The following LRP1B variants were observed in gnomAD, a reference collection of about 807,000 sequenced individuals.
LRP1B encodes the protein low-density lipoprotein receptor-related protein 1B.
Under a neutral mutation model 556.6 loss-of-function variants are expected in LRP1B, and 217 were observed. The observed-to-expected ratio is 0.39, with a 90% CI of 0.35 to 0.44. The LOEUF is 0.44. Among genes scored for constraint, LRP1B ranks in the 20% least tolerant of loss-of-function variants. LRP1B has a pLI of 1.00. For missense variants in LRP1B, 5,053 were observed against 5,620.8 expected, an observed-to-expected ratio of 0.90 and a Z score of 3.23; for synonymous variants, 2,047 against 1,865.8, an observed-to-expected ratio of 1.10 and a Z score of -2.50.
intron 10 of LRP1B, among the ~76,000 whole-genome samples, chr2:141,050,961 G>A (rs1387277867): frequency 1.3e-5 from 2 of 151,940 alleles, no homozygotes; most frequent in Non-Finnish European, 2.9e-5. Context: ...ATCAAAAAGT[G>A]GGCAAAGGAT....
chr2:141,761,931 A>G (rs1694566843), intron 2 of LRP1B, among the ~76,000 whole-genome samples: 2 of 152,162 alleles, frequency 1.3e-5, no homozygotes, highest in Admixed American at 6.5e-5. Context: ...GTGCTCCAGG[A>G]TTCCATGGTA....
chr2:141,076,931 G>A (rs1699802048), intron 7 of LRP1B, among the ~76,000 whole-genome samples: 1 of 152,154 alleles, frequency 6.6e-6, no homozygotes, highest in Non-Finnish European at 1.5e-5. Context: ...GCTCTTGTTA[G>A]TCTCATAATC....
intron 3 of LRP1B, among the ~76,000 whole-genome samples, chr2:141,341,724 C>A (rs935572362): frequency 6.6e-6 from 1 of 152,134 alleles, no homozygotes; most frequent in African/African-American, 2.4e-5. Context: ...GCCACAAAAA[C>A]CATTCATGAG....
intron 1 of LRP1B, among the ~76,000 whole-genome samples, chr2:142,017,277 C>T (rs2105168717): frequency 6.6e-6 from 1 of 152,176 alleles, no homozygotes; most frequent in South Asian, 2.1e-4. Context: ...AAGGTATTTT[C>T]CCTTTACTTT....
chr2:140,541,996 T>A, intron 43 of LRP1B, 25 bp from the exon 44 acceptor site: 1 of 1,539,926 alleles, frequency 6.5e-7, no homozygotes, highest in Non-Finnish European at 8.9e-7. Flanking sequence ...AATACTGTAT[T>A]TTTATGATGA....
Position 142,058,718 on chromosome 2 carries a change from C to T in LRP1B, c.82+71930G>A, listed in dbSNP as rs542500510. ...TCCAATGCTTGGCACATGCTTTGCA[C>T]GTACTTGGTGTTCAGCACATTTTTA... On this transcript the variant is annotated intron_variant, in intron 1 of 90. Coordinates refer to ENST00000389484, the MANE Select transcript of LRP1B (RefSeq NM_018557.3). Among the ~76,000 whole-genome samples the T allele has an allele frequency of 5.9e-5, 9 of 152,184 alleles. No individual in the cohort carries two copies. In the East Asian group the frequency reaches 7.8e-4, roughly 13 times the overall value.
rs2105324340 is a variant in LRP1B at position 140,457,622 on chromosome 2, C to A, written c.9655G>T (p.Ala3219Ser). ...ATGTAGTCTTCAAACAATGTTAGTGCAATCACCCCTGGAATATCTTGATTA... is the reference window on the plus strand; with the variant it reads ...ATGTAGTCTTCAAACAATGTTAGTGAAATCACCCCTGGAATATCTTGATTA... ...VPNQDIPGVI[A>S]LTLFEDYIYW... The change falls in exon 61 of 91, where the codon GCA (alanine) becomes TCA (serine). Residue 3219 changes from alanine (A) to serine (S), a missense_variant. Coordinates refer to ENST00000389484, the MANE Select transcript of LRP1B (RefSeq NM_018557.3). 1 of 1,613,572 alleles carries A rather than the reference C, an allele frequency of 6.2e-7. No individual in the cohort carries two copies. The highest frequency in any genetic ancestry group is 8.5e-7 in the Non-Finnish European group (1 of 1,179,588).
chr2:141,755,116 G>A (rs1314104097), intron 2 of LRP1B, among the ~76,000 whole-genome samples: 1 of 151,982 alleles, frequency 6.6e-6, no homozygotes, highest in African/African-American at 2.4e-5. Context: ...TCTCATTTCT[G>A]AAAGGAAACT....
chr2:141,693,490 A>G (rs1691622080), intron 2 of LRP1B, among the ~76,000 whole-genome samples: 1 of 152,018 alleles, frequency 6.6e-6, no homozygotes, highest in African/African-American at 2.4e-5. Flanking sequence ...ATAAATATAT[A>G]ATGTATTTAT....
intron 1 of LRP1B, among the ~76,000 whole-genome samples, chr2:142,110,204 G>A (rs1706922714): frequency 6.6e-6 from 1 of 151,974 alleles, no homozygotes; most frequent in Non-Finnish European, 1.5e-5. Context: ...GAAGTAAAGT[G>A]GTACTTATGG....
At chr2:140,931,590 G>A (rs1270151528) in intron 20 of LRP1B, among the ~76,000 whole-genome samples, 2 of 152,130 alleles carry the variant, frequency 1.3e-5, no homozygotes, top group African/African-American at 4.8e-5. Context: ...CTAGGCAGAA[G>A]TTAAATTATC....
chr2:141,882,216 G>T (rs1430232775), intron 1 of LRP1B, among the ~76,000 whole-genome samples: 4 of 152,148 alleles, frequency 2.6e-5, no homozygotes, highest in African/African-American at 9.7e-5. Flanking sequence ...CACCCCCAAA[G>T]CCCACGGGTT....
At chr2:140,574,281 A>G (rs921323044) in intron 43 of LRP1B, among the ~76,000 whole-genome samples, 21 of 152,160 alleles carry the variant, frequency 1.4e-4, no homozygotes, top group African/African-American at 5.1e-4. Context: ...AGTAAAGATA[A>G]ATGCTTGAAG....
intron 11 of LRP1B, among the ~76,000 whole-genome samples, chr2:141,047,971 A>C (rs906775876): frequency 3.3e-5 from 5 of 152,082 alleles, no homozygotes; most frequent in African/African-American, 1.2e-4. Flanking sequence ...ATTCTCTATT[A>C]ATCATATATT....
At chr2:140,262,492 T>G (rs141940136) in intron 86 of LRP1B, among the ~76,000 whole-genome samples, 3 of 152,276 alleles carry the variant, frequency 2.0e-5, no homozygotes, top group Non-Finnish European at 4.4e-5. Flanking sequence ...TGTATGTGAA[T>G]CCAGGGAAGT....
intron 43 of LRP1B, among the ~76,000 whole-genome samples, chr2:140,552,273 T>G (rs1680572486): frequency 6.6e-6 from 1 of 152,254 alleles, no homozygotes; most frequent in African/African-American, 2.4e-5. Context: ...AAAATGTTGA[T>G]ACTTGACATA....
chr2:140,500,491 A>T (rs1247482254), intron 55 of LRP1B, among the ~76,000 whole-genome samples: 1 of 151,968 alleles, frequency 6.6e-6, no homozygotes, highest in Non-Finnish European at 1.5e-5. Flanking sequence ...TCATTTAGCC[A>T]CTGCAGAAAC....
chr2:141,541,581 T>A (rs1685261995), intron 2 of LRP1B, among the ~76,000 whole-genome samples: 3 of 152,046 alleles, frequency 2.0e-5, no homozygotes, highest in African/African-American at 7.2e-5. Context: ...TTGAGCACAA[T>A]CCTTATAGCT....
intron 2 of LRP1B, among the ~76,000 whole-genome samples, chr2:141,727,811 C>CTA (rs1223199985): frequency 2.8e-4 from 42 of 151,368 alleles, no homozygotes; most frequent in East Asian, 1.8e-3. Flanking sequence ...ATATCAATCT[C>CTA]TCTATATATA....
Sources: allele counts gnomAD v4.1 joint callset (sites outside exome capture counted in the v4.1 genomes callset), GRCh38; gene constraint gnomAD v4.1.1; transcripts MANE v1.5; gene names NCBI Gene and HGNC (gene_info 2026-07-23, HGNC 2026-07-21).